Variants in NCALD observed in about 807,000 individuals in gnomAD.
NCALD encodes neurocalcin delta.
Under a neutral mutation model 18.6 loss-of-function variants are expected in NCALD, and 10 were observed. The ratio of observed to expected loss-of-function variants is 0.54; its 90% CI spans 0.33 to 0.91. The LOEUF is 0.91. Ranked by LOEUF, NCALD falls within the 40% of genes least tolerant of loss-of-function variation. The pLI is 0.03. For missense variants in NCALD, 184 were observed against 247.6 expected, an observed-to-expected ratio of 0.74 and a Z score of 1.72; for synonymous variants, 88 against 87.4, an observed-to-expected ratio of 1.01 and a Z score of -0.04.
intron 1 of NCALD, among the ~76,000 whole-genome samples, chr8:102,049,414 A>ATG (rs1336873521): frequency 6.6e-6 from 1 of 152,172 alleles, no homozygotes; most frequent in African/African-American, 2.4e-5. Context: ...CATTGTATGG[A>ATG]TGTGCCGTTG....
chr8:101,840,270 T>C (rs1814589927), intron 4 of NCALD, among the ~76,000 whole-genome samples: 2 of 152,114 alleles, frequency 1.3e-5, no homozygotes, highest in South Asian at 4.1e-4. Flanking sequence ...GTGATAGAAA[T>C]GTATGTGCAC....
rs16868410 is a variant in NCALD at position 101,771,946 on chromosome 8, A to C, written c.-20+18916T>G. Among the ~76,000 whole-genome samples the C allele has an allele frequency of 5.9e-3, 895 of 152,356 alleles. 11 individuals carry two copies. Among genetic ancestry groups the C allele is most frequent in the African/African-American group, 0.019 (788 of 41,580 alleles). On this transcript the variant is annotated intron_variant, in intron 1 of 3. Coordinates refer to ENST00000220931, the MANE Select transcript of NCALD (RefSeq NM_032041.3). ...AGGCACTGAGTCGCAATTATGTGCC[A>C]GACAGAATATGATCAAGGCAGGCCT...
Position 101,686,674 on chromosome 8 carries a change from G to GCCCCAT in NCALD, c.*2634_*2635insATGGGG, listed in dbSNP as rs1395402307. ...CACCGTGGGCATACAGATGGGATGG[G>GCCCCAT]ACAGCACCCCCAGCTCCCTCCCACT... On this transcript the variant is annotated 3_prime_UTR_variant, in exon 4 of 4. Transcript: ENST00000220931. 6.6e-6 allele frequency: 1 copy of GCCCCAT among 152,540 alleles called. No individual in the cohort carries two copies. The highest frequency in any genetic ancestry group is 2.4e-5 in the African/African-American group (1 of 41,400). The allele number at this position is 152,540 out of a possible 1,614,324, so 9.4% of individuals were successfully genotyped here. A position where few individuals can be genotyped will look rare whatever the true frequency, so the allele number is the denominator to read the frequency against.
chr8:102,071,948 G>A (rs1278602295), intron 1 of NCALD, among the ~76,000 whole-genome samples: 4 of 152,028 alleles, frequency 2.6e-5, no homozygotes, highest in Non-Finnish European at 5.9e-5. Flanking sequence ...AGCAGGTATT[G>A]TTTTGTAGAA....
chr8:102,017,468 C>T (rs1397085302), intron 2 of NCALD, among the ~76,000 whole-genome samples: 13 of 152,220 alleles, frequency 8.5e-5, no homozygotes, highest in Admixed American at 2.0e-4. Flanking sequence ...AATACCAGCA[C>T]TTTGGGAGGC....
At chr8:101,701,579 C>T (rs141208919) in intron 2 of NCALD, among the ~76,000 whole-genome samples, 4 of 152,122 alleles carry the variant, frequency 2.6e-5, no homozygotes, top group Non-Finnish European at 5.9e-5. Flanking sequence ...GAAGGAACAA[C>T]CTCTTGGGAT....
intron 2 of NCALD, among the ~76,000 whole-genome samples, chr8:102,004,937 A>G (rs1310067955): frequency 1.3e-5 from 2 of 152,220 alleles, no homozygotes; most frequent in Admixed American, 6.5e-5. Flanking sequence ...CTAGAAGAAA[A>G]CCTAGGCAAT....
intron 1 of NCALD, among the ~76,000 whole-genome samples, chr8:101,775,727 G>C (rs1050570871): frequency 6.6e-6 from 1 of 152,162 alleles, no homozygotes; most frequent in Non-Finnish European, 1.5e-5. Flanking sequence ...TATCTTCTCT[G>C]CCTGTGCAAC....
At chr8:102,096,755 T>C (rs1825115970) in intron 1 of NCALD, among the ~76,000 whole-genome samples, 1 of 152,238 alleles carries the variant, frequency 6.6e-6, no homozygotes, top group Admixed American at 6.5e-5. Flanking sequence ...AGATTCTGTA[T>C]CTGGGCTCTT....
rs140730025 is a variant in NCALD, at chr8:101,867,815, C to T, written c.-20+19326G>A. On this transcript the variant is annotated intron_variant, in intron 4 of 6. Transcript: ENST00000311028. The stretch of plus-strand genomic sequence containing the variant: ...TCGGCTTTGGGTAATTTACTTAATG[C>T]ACCATCTCTGAATTTGACATTGAAG... 6.7e-3 allele frequency among the ~76,000 whole-genome samples: 1,024 copies of T among 152,200 alleles called. 6 individuals carry two copies. The highest frequency in any genetic ancestry group is 0.029 in the South Asian group (139 of 4,824).
chr8:101,958,403 T>G (rs1819714399), intron 2 of NCALD, among the ~76,000 whole-genome samples: 1 of 152,052 alleles, frequency 6.6e-6, no homozygotes. Context: ...AACTGAAGCT[T>G]CGTTATTACA....
chr8:102,091,634 T>A (rs1824926602), intron 1 of NCALD, among the ~76,000 whole-genome samples: 1 of 152,240 alleles, frequency 6.6e-6, no homozygotes, highest in South Asian at 2.1e-4. Context: ...TTGTAGAATA[T>A]AGTGCTGTTG....
intron 1 of NCALD, among the ~76,000 whole-genome samples, chr8:101,759,783 CT>C (rs1343800490): frequency 1.3e-5 from 2 of 152,172 alleles, no homozygotes; most frequent in Non-Finnish European, 1.5e-5. Context: ...TGTACAGCTA[CT>C]CCCAAAACTT....
intron 4 of NCALD, among the ~76,000 whole-genome samples, chr8:101,851,394 A>G (rs1446230479): frequency 6.6e-6 from 1 of 152,152 alleles, no homozygotes; most frequent in Non-Finnish European, 1.5e-5. Context: ...AAAAAATACA[A>G]ATAGTAAGTG....
intron 4 of NCALD, among the ~76,000 whole-genome samples, chr8:101,810,935 C>T (rs529020711): frequency 1.3e-4 from 20 of 151,834 alleles, no homozygotes; most frequent in East Asian, 5.8e-4. Flanking sequence ...CATAACTATC[C>T]GCTCCTGGGA....
chr8:101,996,694 G>A (rs559579247), intron 2 of NCALD, among the ~76,000 whole-genome samples: 3 of 152,186 alleles, frequency 2.0e-5, no homozygotes, highest in Non-Finnish European at 4.4e-5. Flanking sequence ...GGTGGAAAAG[G>A]AAGGATGTAT....
At chr8:101,771,879 C>A (rs1244100983) in intron 1 of NCALD, among the ~76,000 whole-genome samples, 1 of 152,214 alleles carries the variant, frequency 6.6e-6, no homozygotes, top group Non-Finnish European at 1.5e-5. Context: ...TTGGCATGAA[C>A]TAGGTTATCC....
chr8:101,978,923 T>C (rs754292454), intron 2 of NCALD, among the ~76,000 whole-genome samples: 1 of 152,190 alleles, frequency 6.6e-6, no homozygotes, highest in Non-Finnish European at 1.5e-5. Flanking sequence ...TGTCTGAAGC[T>C]CAATTCCTGG....
At chr8:101,930,191 G>GA (rs924227997) in intron 2 of NCALD, among the ~76,000 whole-genome samples, 2 of 152,090 alleles carry the variant, frequency 1.3e-5, no homozygotes, top group East Asian at 3.9e-4. Context: ...CAATAATCCA[G>GA]AAAAATAACA....
Sources: allele counts gnomAD v4.1 joint callset (sites outside exome capture counted in the v4.1 genomes callset), GRCh38; gene constraint gnomAD v4.1.1; transcripts MANE v1.5; gene names NCBI Gene and HGNC (gene_info 2026-07-23, HGNC 2026-07-21).